Variants in BTBD9 observed in about 807,000 individuals in gnomAD.
The protein encoded by BTBD9 is BTB/POZ domain-containing protein 9.
BTBD9 carries 49 observed loss-of-function variants against 64.3 expected under a neutral mutation model. That is an observed-to-expected ratio of 0.76 (90% CI 0.61 to 0.97). BTBD9 has a LOEUF of 0.97. Among genes scored for constraint, BTBD9 ranks in the 50% least tolerant of loss-of-function variants. The probability of loss-of-function intolerance (pLI) is 0.00; values close to 1 mark genes in which losing one functional copy is unlikely to be tolerated. For synonymous variants in BTBD9, 260 were observed against 274.7 expected, an observed-to-expected ratio of 0.95 and a Z score of 0.53; for missense variants, 598 against 762.1, an observed-to-expected ratio of 0.78 and a Z score of 2.53.
chr6:38,260,940 CT>C (rs890906578), intron 8 of BTBD9, among the ~76,000 whole-genome samples: 6 of 149,192 alleles, frequency 4.0e-5, no homozygotes, highest in Admixed American at 2.0e-4. Flanking sequence ...TATGAAAATT[CT>C]TTTTTTTTTC....
chr6:38,577,661 C>T lies in BTBD9; in HGVS notation c.1093G>A (p.Asp365Asn). 1 of 1,610,726 alleles carries T rather than the reference C, an allele frequency of 6.2e-7. No homozygotes were observed. Among genetic ancestry groups the T allele is most frequent in the Non-Finnish European group, 8.5e-7 (1 of 1,179,416 alleles). ...GAACGACACAGATATTGTGAATGAT[C>T]TATCACTCTGACCCAATCAAGTTCA... ...MDELDWVRVI[D>N]HSQYLCRSWQ... The change falls in exon 6 of 11, where the codon GAT (aspartate) becomes AAT (asparagine). Residue 365 changes from aspartate (D) to asparagine (N), a missense_variant. Transcript: ENST00000481247.
At chr6:38,301,063 G>C (rs1202675806) in intron 7 of BTBD9, among the ~76,000 whole-genome samples, 1 of 152,132 alleles carries the variant, frequency 6.6e-6, no homozygotes, top group Non-Finnish European at 1.5e-5. Context: ...AGAGTTTTTA[G>C]CATGAAGTGT....
intron 1 of BTBD9, among the ~76,000 whole-genome samples, chr6:38,624,128 ACTCTGTAAAACGCACCAATCTGCG>A (rs1259249600): frequency 6.6e-6 from 1 of 152,136 alleles, no homozygotes; most frequent in South Asian, 2.1e-4. Context: ...ACCAATCAGC[ACTCTGTAAAACGCACCAATCTGCG>A]CTCTGTAAAA....
chr6:38,636,034 A>C (rs764299447), intron 1 of BTBD9, among the ~76,000 whole-genome samples: 1 of 152,196 alleles, frequency 6.6e-6, no homozygotes, highest in African/African-American at 2.4e-5. Context: ...TAACAGCAAC[A>C]GCTGCCATTT....
At chr6:38,191,507 C>T (rs914156960) in intron 10 of BTBD9, among the ~76,000 whole-genome samples, 1 of 152,240 alleles carries the variant, frequency 6.6e-6, no homozygotes. Context: ...TGTGCTCCCT[C>T]GGGCACAGGG....
intron 6 of BTBD9, among the ~76,000 whole-genome samples, chr6:38,533,323 AC>A (rs1195601475): frequency 2.0e-5 from 3 of 152,224 alleles, no homozygotes; most frequent in Admixed American, 2.0e-4. Context: ...CAAAGAAGTC[AC>A]TATATACAAT....
At chr6:38,328,657 T>C (rs1302758695) in intron 7 of BTBD9, among the ~76,000 whole-genome samples, 2 of 149,482 alleles carry the variant, frequency 1.3e-5, no homozygotes, top group Non-Finnish European at 3.0e-5. Context: ...TAAAAATACG[T>C]ATATTTGGGG....
At chr6:38,245,805 C>T (rs7756480) in intron 9 of BTBD9, among the ~76,000 whole-genome samples, 16,613 of 152,118 alleles carry the variant, frequency 0.11, 1,368 homozygotes, top group East Asian at 0.48. Context: ...TGGAATATAA[C>T]ATTAATAAGA....
chr6:38,268,150 C>A (rs1290831890), intron 8 of BTBD9, among the ~76,000 whole-genome samples: 1 of 152,204 alleles, frequency 6.6e-6, no homozygotes, highest in African/African-American at 2.4e-5. Flanking sequence ...TCACCCCTAG[C>A]CCCAACACCA....
intron 6 of BTBD9, among the ~76,000 whole-genome samples, chr6:38,358,125 A>G (rs1764805364): frequency 6.6e-6 from 1 of 152,122 alleles, no homozygotes; most frequent in South Asian, 2.1e-4. Flanking sequence ...CTGCACAGAC[A>G]GCACTGGCTG....
intron 1 of BTBD9, among the ~76,000 whole-genome samples, chr6:38,623,143 C>T (rs1427128206): frequency 6.6e-6 from 1 of 152,138 alleles, no homozygotes; most frequent in Non-Finnish European, 1.5e-5. Context: ...ACAACCAGTT[C>T]TGTCTACCCA....
intron 8 of BTBD9, among the ~76,000 whole-genome samples, chr6:38,285,389 T>A (rs1372847606): frequency 6.6e-6 from 1 of 152,014 alleles, no homozygotes; most frequent in African/African-American, 2.4e-5. Context: ...AATGGACAAA[T>A]GGATGGTGCC....
At chr6:38,493,795 T>C (rs1353769891) in intron 6 of BTBD9, among the ~76,000 whole-genome samples, 2 of 152,198 alleles carry the variant, frequency 1.3e-5, no homozygotes, top group Admixed American at 6.5e-5. Context: ...CTCTACAGTC[T>C]CATCATGCAA....
At chr6:38,448,160 G>A (rs775120174) in intron 6 of BTBD9, among the ~76,000 whole-genome samples, 14 of 152,134 alleles carry the variant, frequency 9.2e-5, no homozygotes, top group Non-Finnish European at 1.9e-4. Flanking sequence ...CCTCTCTTCC[G>A]CAACCAAAAT....
intron 7 of BTBD9, among the ~76,000 whole-genome samples, chr6:38,306,016 T>C (rs1397486758): frequency 2.0e-5 from 3 of 152,212 alleles, no homozygotes; most frequent in African/African-American, 7.2e-5. Flanking sequence ...ACTCAATGGT[T>C]TGAATAAGTT....
chr6:38,204,974 G>A (rs938155011), intron 9 of BTBD9, among the ~76,000 whole-genome samples: 19 of 152,070 alleles, frequency 1.2e-4, no homozygotes, highest in Middle Eastern at 3.2e-3. Context: ...AACTATGAGC[G>A]ACATAAATAA....
At chr6:38,248,669 C>T (rs9462418) in intron 9 of BTBD9, among the ~76,000 whole-genome samples, 15,509 of 152,164 alleles carry the variant, frequency 0.1, 1,092 homozygotes, top group African/African-American at 0.19. Flanking sequence ...TACAAGTCAG[C>T]ACAGGCCGTG....
chr6:38,616,999 C>T (rs1582723523), intron 1 of BTBD9, among the ~76,000 whole-genome samples: 1 of 152,144 alleles, frequency 6.6e-6, no homozygotes, highest in Non-Finnish European at 1.5e-5. Context: ...TACTATCGGA[C>T]CCCTTTCGCT....
intron 9 of BTBD9, among the ~76,000 whole-genome samples, chr6:38,227,110 C>T (rs894471636): frequency 3.3e-5 from 5 of 152,160 alleles, no homozygotes; most frequent in African/African-American, 1.2e-4. Context: ...TGCCTCAAGT[C>T]CCCTTAGTGC....
Sources: gnomAD v4.1 joint callset for allele counts (sites outside exome capture counted in the v4.1 genomes callset) on GRCh38, gnomAD v4.1.1 for gene constraint, MANE v1.5 for transcripts, NCBI Gene and HGNC (gene_info 2026-07-23, HGNC 2026-07-21) for gene names.